The following ARVCF variants were observed in gnomAD, a reference collection of about 807,000 sequenced individuals.
ARVCF encodes ARVCF delta catenin family member.
A neutral mutation model predicts 90.9 loss-of-function variants in ARVCF; 66 were observed. That is an observed-to-expected ratio of 0.73 (90% confidence interval 0.60 to 0.89). ARVCF has a LOEUF of 0.89. Ranked by LOEUF, ARVCF falls within the 40% of genes least tolerant of loss-of-function variation. The probability of loss-of-function intolerance (pLI) is 0.00; values close to 1 mark genes in which losing one functional copy is unlikely to be tolerated. For missense variants in ARVCF, 1,469 were observed against 1,382.3 expected, an observed-to-expected ratio of 1.06 and a Z score of -1.00; for synonymous variants, 653 against 603.4, an observed-to-expected ratio of 1.08 and a Z score of -1.21.
chr22:19,968,962 T>A, downstream of ARVCF: 1 of 516,560 alleles, frequency 1.9e-6, no homozygotes, highest in East Asian at 3.4e-5. Flanking sequence ...AGCTATATTA[T>A]CTTATATACT....
chr22:19,969,865 G>A (rs1942647011), downstream of ARVCF: 3 of 985,456 alleles, frequency 3.0e-6, no homozygotes, highest in Non-Finnish European at 3.6e-6. Flanking sequence ...CCAGCCACTT[G>A]TGCCAGACCT....
rs1362577498 is a variant in ARVCF, at chr22:19,980,201, T to C, written c.938A>G (p.Asp313Gly). ...CACCATTGGGAACGCAGGCCGCTCGTCCGCCAGCTCGCCGCCATCATCTGC... is the reference window on the plus strand; with the variant it reads ...CACCATTGGGAACGCAGGCCGCTCGCCCGCCAGCTCGCCGCCATCATCTGC... Reference protein sequence around the residue: ...DTADDGGELADERPAFPMVTA... With the variant: ...DTADDGGELAGERPAFPMVTA... Residue 313 changes from aspartate (D) to glycine (G), a missense_variant, in exon 6 of 20, where the codon GAC becomes GGC. By Grantham distance (94) the Asp-to-Gly change is moderately conservative (BLOSUM62 -1). Transcript: ENST00000263207. 10 of 1,547,510 alleles carry C rather than the reference T, an allele frequency of 6.5e-6. No homozygotes were observed. Among genetic ancestry groups the C allele is most frequent in the Non-Finnish European group, 8.7e-6 (10 of 1,148,114 alleles).
chr22:19,974,399 C>T (rs879900237), intron 11 of ARVCF, 160 bp from the exon 12 acceptor site: 12 of 874,766 alleles, frequency 1.4e-5, no homozygotes, highest in Non-Finnish European at 1.9e-5. Flanking sequence ...ATATAGTCAC[C>T]CAAGGGGAAA....
intron 3 of ARVCF, among the ~76,000 whole-genome samples, chr22:19,985,204 C>T (rs148846909): frequency 6.6e-6 from 1 of 152,320 alleles, no homozygotes; most frequent in Non-Finnish European, 1.5e-5. Flanking sequence ...TGTCAGTCGT[C>T]TCTCATCACC....
chr22:19,994,484 TG>T (rs1944156610), intron 2 of ARVCF, among the ~76,000 whole-genome samples: 1 of 57,582 alleles, frequency 1.7e-5, no homozygotes, highest in Non-Finnish European at 3.3e-5. Flanking sequence ...GGGGGGATGG[TG>T]GAGGATGAAC....
Position 19,974,222 on chromosome 22 carries a change from G to C in ARVCF, c.1978C>G (p.Gln660Glu). ...EAAKGFELLY[Q>E]PEVVRLYLSL... ...AGGTAGAGACGTACCACCTCGGGCTGGTACAGCAGCTCAAAGCCTAGGTGC... is the reference window on the plus strand; with the variant it reads ...AGGTAGAGACGTACCACCTCGGGCTCGTACAGCAGCTCAAAGCCTAGGTGC... The change falls in exon 12 of 20, where the codon CAG becomes GAG. Residue 660 changes from glutamine (Q) to glutamate (E), a missense_variant. Coordinates refer to ENST00000263207, the MANE Select transcript of ARVCF (RefSeq NM_001670.3). 6.2e-7 allele frequency: 1 copy of C among 1,610,392 alleles called. No homozygotes were observed. Among genetic ancestry groups the C allele is most frequent in the Non-Finnish European group, 8.5e-7 (1 of 1,178,372 alleles).
intron 9 of ARVCF, 47 bp downstream of exon 9, chr22:19,977,368 G>C (rs1344744673): frequency 6.8e-7 from 1 of 1,469,240 alleles, no homozygotes; most frequent in Non-Finnish European, 9.0e-7. Flanking sequence ...TTCCGCTGGG[G>C]CAGGAGTTGA....
intron 13 of ARVCF, 99 bp from the exon 14 acceptor site, chr22:19,973,416 C>T (rs1942960245): frequency 4.9e-6 from 7 of 1,423,326 alleles, no homozygotes; most frequent in African/African-American, 1.4e-5. Flanking sequence ...AGGAGAGCCC[C>T]TGGAGACCGC....
chr22:19,998,797 G>A (rs937082326), intron 2 of ARVCF, among the ~76,000 whole-genome samples: 15 of 152,212 alleles, frequency 9.9e-5, no homozygotes, highest in Non-Finnish European at 1.3e-4. Flanking sequence ...TGAGACGGCA[G>A]GTCAGACAGT....
intron 2 of ARVCF, among the ~76,000 whole-genome samples, chr22:19,998,984 G>A (rs968279477): frequency 2.6e-5 from 4 of 152,182 alleles, no homozygotes; most frequent in South Asian, 4.1e-4. Flanking sequence ...TGGATAAAAC[G>A]GAACCTCACC....
chr22:20,008,206 TA>T (rs2146486125), intron 2 of ARVCF, among the ~76,000 whole-genome samples: 1 of 152,294 alleles, frequency 6.6e-6, no homozygotes, highest in South Asian at 2.1e-4. Flanking sequence ...AGGCCTGTCA[TA>T]GGGGCCAGGC....
chr22:19,969,787 G>A (rs1942640601), downstream of ARVCF: 2 of 959,422 alleles, frequency 2.1e-6, no homozygotes, highest in South Asian at 9.6e-5. Flanking sequence ...CACAGCAGAT[G>A]GGCACCTGGG....
downstream of ARVCF, chr22:19,965,747 C>G (rs1942357131): frequency 6.8e-6 from 1 of 147,400 alleles, no homozygotes; most frequent in Non-Finnish European, 1.5e-5. Flanking sequence ...TTCAGATGCC[C>G]TGAACTCACG....
rs1407923484 is a variant in ARVCF, at chr22:19,980,101, C to T, written c.1038G>A (p.Val346=). 2 of 1,586,640 alleles carry T rather than the reference C, an allele frequency of 1.3e-6. No homozygotes were observed. Among genetic ancestry groups the T allele is most frequent in the Admixed American group, 3.4e-5 (2 of 58,304 alleles). ...LDRLVRRSPS[V]DSARKEPRWR... ...AGCGCGGCTCCTTGCGGGCGCTATC[C>T]ACTGAGGGCGAGCGCCGCACCAGCC... Residue 346 remains valine, a synonymous_variant, in exon 6 of 20, where the codon GTG becomes GTA. Coordinates refer to ENST00000263207, the MANE Select transcript of ARVCF (RefSeq NM_001670.3).
intron 7 of ARVCF, 126 bp from the exon 8 acceptor site, chr22:19,978,201 A>G: frequency 1.3e-6 from 1 of 776,956 alleles, no homozygotes; most frequent in Non-Finnish European, 2.0e-6. Flanking sequence ...CACTAATGGG[A>G]AAGGACCCCA....
Position 19,970,594 on chromosome 22 carries a change from G to GGC in ARVCF, c.*161_*162insGC. ...AGGATGGGGGGAGTGGGGTGGGGGG[G>GGC]CAGGAGGGTGTCCCCAAAGTCAGGC... On this transcript the variant is annotated 3_prime_UTR_variant, in exon 20 of 20. Transcript: ENST00000263207. 16 of 524,900 alleles carry GGC rather than the reference G, an allele frequency of 3.0e-5. No homozygotes were observed. The highest frequency in any genetic ancestry group is 1.5e-4 in the East Asian group (2 of 13,302). The allele number at this position is 524,900 out of a possible 1,614,324, so 32.5% of individuals were successfully genotyped here. A position where few individuals can be genotyped will look rare whatever the true frequency, so the allele number is the denominator to read the frequency against.
At chr22:20,015,629 C>T (rs75213299) in intron 1 of ARVCF, among the ~76,000 whole-genome samples, 4,553 of 152,166 alleles carry the variant, frequency 0.03, 97 homozygotes, top group South Asian at 0.081. Flanking sequence ...AAGCTAAGGT[C>T]GGGAGAGGTG....
chr22:19,978,106 C>T (rs1402698461), intron 7 of ARVCF, 31 bp from the exon 8 acceptor site: 1 of 1,564,882 alleles, frequency 6.4e-7, no homozygotes, highest in African/African-American at 1.4e-5. Context: ...CAGGTGACCC[C>T]TGGCTACCAG....
At chr22:19,973,086 G>A (rs754359833) in intron 14 of ARVCF, 33 bp downstream of exon 14, 6 of 1,522,016 alleles carry the variant, frequency 3.9e-6, no homozygotes, top group Non-Finnish European at 5.3e-6. Context: ...CACCTCCGCG[G>A]CTCCCCAAGC....
Sources: allele counts gnomAD v4.1 joint callset (sites outside exome capture counted in the v4.1 genomes callset), GRCh38; gene constraint gnomAD v4.1.1; transcripts MANE v1.5; gene names NCBI Gene and HGNC (gene_info 2026-07-23, HGNC 2026-07-21).